Variants in TMEM184B observed in about 807,000 individuals in gnomAD.
The protein encoded by TMEM184B is putative MAPK-activating protein FM08.
A neutral mutation model predicts 41.8 loss-of-function variants in TMEM184B; 17 were observed. That is an observed-to-expected ratio of 0.41 (90% CI 0.28 to 0.61). The LOEUF is 0.61. Ranked by LOEUF, TMEM184B falls within the 20% of genes least tolerant of loss-of-function variation. TMEM184B has a pLI of 0.34. For missense variants in TMEM184B, 393 were observed against 557.8 expected (o/e 0.70, Z 2.98); for synonymous variants, 240 against 229.5 (o/e 1.05, Z -0.41).
At chr22:38,262,871 G>A (rs1168465940) in intron 1 of TMEM184B, among the ~76,000 whole-genome samples, 1 of 152,166 alleles carries the variant, frequency 6.6e-6, no homozygotes, top group East Asian at 1.9e-4. Context: ...CACTGGGCAG[G>A]AGGCAAGGTT....
intron 3 of TMEM184B, 131 bp downstream of exon 3, chr22:38,245,804 C>G (rs898569680): frequency 1.3e-5 from 13 of 966,706 alleles, no homozygotes; most frequent in Non-Finnish European, 1.7e-5. Flanking sequence ...GACAGAAACC[C>G]TGTAGTAGGT....
chr22:38,262,132 C>T (rs1288242948), intron 1 of TMEM184B, among the ~76,000 whole-genome samples: 3 of 152,228 alleles, frequency 2.0e-5, no homozygotes, highest in Admixed American at 6.5e-5. Flanking sequence ...GACAGTGCTG[C>T]GGGAAGGCAG....
chr22:38,264,441 A>G (rs990730322), intron 1 of TMEM184B, among the ~76,000 whole-genome samples: 1 of 152,186 alleles, frequency 6.6e-6, no homozygotes, highest in African/African-American at 2.4e-5. Flanking sequence ...AAGAGGGCCA[A>G]GTGCTTCCAG....
intron 3 of TMEM184B, among the ~76,000 whole-genome samples, chr22:38,245,212 G>A (rs1248685983): frequency 1.3e-5 from 2 of 152,202 alleles, no homozygotes; most frequent in Admixed American, 6.5e-5. Flanking sequence ...TGCACCTGGG[G>A]CCACCTGGGG....
chr22:38,221,090 A>G lies in TMEM184B; in HGVS notation c.*379T>C. ...GGGGGAGCCACGGCTTGCCGACCTCAGCCTGAGAGTCTCGCGGGGAGGAGG... is the reference window on the plus strand; with the variant it reads ...GGGGGAGCCACGGCTTGCCGACCTCGGCCTGAGAGTCTCGCGGGGAGGAGG... On this transcript the variant is annotated 3_prime_UTR_variant, in exon 9 of 9. Coordinates refer to ENST00000361906, the MANE Select transcript of TMEM184B (RefSeq NM_012264.5). The G allele has an allele frequency of 9.3e-7, 1 of 1,073,052 alleles. No individual in the cohort carries two copies. The allele number at this position is 1,073,052 out of a possible 1,614,324, so 66.5% of individuals were successfully genotyped here. A position where few individuals can be genotyped will look rare whatever the true frequency, so the allele number is the denominator to read the frequency against.
At chr22:38,272,570 C>G (rs1460791959) in intron 1 of TMEM184B, 14 of 985,682 alleles carry the variant, frequency 1.4e-5, no homozygotes, top group Non-Finnish European at 1.7e-5. Context: ...TTGGTCCATC[C>G]GCCTCCCTCT....
At chr22:38,229,412 T>C (rs1569020194) in intron 5 of TMEM184B, among the ~76,000 whole-genome samples, 1 of 152,196 alleles carries the variant, frequency 6.6e-6, no homozygotes, top group Non-Finnish European at 1.5e-5. Flanking sequence ...AGGAGTATCA[T>C]TACACTCATT....
chr22:38,220,448 C>T lies in TMEM184B; in HGVS notation c.*1021G>A, dbSNP rs377156335. 1 of 985,820 alleles carries T rather than the reference C, an allele frequency of 1.0e-6. No individual in the cohort carries two copies. The highest frequency in any genetic ancestry group is 1.2e-6 in the Non-Finnish European group (1 of 829,944). 61.1% of individuals were successfully genotyped at this position (985,820 alleles called of 1,614,324 possible). A position where few individuals can be genotyped will look rare whatever the true frequency, so the allele number is the denominator to read the frequency against. ...CCAGGCCCTGTGTGGATAGGGGCCC[C>T]GAGAGGAGTCTGGGACCATTCCCCC... is the stretch of plus-strand genomic sequence containing the variant. On this transcript the variant is annotated 3_prime_UTR_variant, in exon 9 of 9. Coordinates refer to ENST00000361906, the MANE Select transcript of TMEM184B (RefSeq NM_012264.5).
intron 1 of TMEM184B, among the ~76,000 whole-genome samples, chr22:38,253,135 C>T (rs2060628092): frequency 6.6e-6 from 1 of 152,096 alleles, no homozygotes; most frequent in South Asian, 2.1e-4. Context: ...GAGCCAGACG[C>T]AGTCTCAAAA....
chr22:38,221,045 C>T lies in TMEM184B; in HGVS notation c.*424G>A, dbSNP rs1238140690. The T allele has an allele frequency of 3.0e-5, 30 of 1,015,190 alleles. No individual in the cohort carries two copies. The highest frequency in any genetic ancestry group is 3.3e-5 in the Non-Finnish European group (28 of 849,068). The allele number at this position is 1,015,190 out of a possible 1,614,324, so 62.9% of individuals were successfully genotyped here. A position where few individuals can be genotyped will look rare whatever the true frequency, so the allele number is the denominator to read the frequency against. On this transcript the variant is annotated 3_prime_UTR_variant, in exon 9 of 9. Coordinates refer to ENST00000361906, the MANE Select transcript of TMEM184B (RefSeq NM_012264.5). The stretch of plus-strand genomic sequence containing the variant: ...GCAGGCGGGAAGAGCCCAGGTCAGA[C>T]AGGGTATTGCACGGTGTGTGGGGGA...
In TMEM184B at chr22:38,256,360, CCCA is replaced by C. The variant is rs558383208; in HGVS notation, c.-58-8344_-58-8342del. Among the ~76,000 whole-genome samples, 356 of 151,974 alleles carry C rather than the reference CCCA, an allele frequency of 2.3e-3. 2 individuals carry two copies. The highest frequency in any genetic ancestry group is 8.1e-3 in the African/African-American group (334 of 41,428). ...TCCCAAGTAGCTGGGATTACAGGCA[CCCA>C]CCACCATGCCTGCCTAATTTTTGTA... is the stretch of plus-strand genomic sequence containing the variant. On this transcript the variant is annotated intron_variant, in intron 1 of 8. Transcript: ENST00000361906.
rs1481042050 is a variant in TMEM184B at position 38,226,651 on chromosome 22, G to A, written c.617+128C>T. 4.3e-6 allele frequency: 4 copies of A among 921,740 alleles called. No homozygotes were observed. Among genetic ancestry groups the A allele is most frequent in the East Asian group, 5.5e-5 (2 of 36,418 alleles). The allele number at this position is 921,740 out of a possible 1,614,324, so 57.1% of individuals were successfully genotyped here. ...ACTGCTGGGCTCAGACTTCAGGGGG[G>A]TTGTGAGCACCAGACACCCAGGAAG... On this transcript the variant is annotated intron_variant, in intron 6 of 8. Coordinates refer to ENST00000361906, the MANE Select transcript of TMEM184B (RefSeq NM_012264.5). The surrounding 1 kb of genome is among the most constrained non-coding windows in gnomAD (Gnocchi z 4.6).
chr22:38,226,802 G>A lies in TMEM184B; in HGVS notation c.594C>T (p.Gly198=), dbSNP rs1420739923. ...AVSTVVLQAF[G]KYRDGDFDVT... ...ACTCAAAGTCCCCATCCCGGTACTT[G>A]CCGAAGGCCTGGAGGACCACAGTGC... Residue 198 remains glycine, a synonymous_variant, in exon 6 of 9, where the codon GGC becomes GGT. Transcript: ENST00000361906. This position sits in a 1 kb window ranked among gnomAD's most constrained non-coding sequence, Gnocchi z 4.6. The A allele has an allele frequency of 6.2e-7, 1 of 1,604,972 alleles. No homozygotes were observed. The highest frequency in any genetic ancestry group is 8.5e-7 in the Non-Finnish European group (1 of 1,175,888).
intron 1 of TMEM184B, among the ~76,000 whole-genome samples, chr22:38,250,420 T>C (rs144511078): frequency 1.2e-4 from 19 of 152,286 alleles, no homozygotes; most frequent in African/African-American, 4.6e-4. Flanking sequence ...GGAGAAGGCG[T>C]CTATATAAAG....
Position 38,225,577 on chromosome 22 carries a change from G to T in TMEM184B, c.634C>A (p.Leu212Ile). 6.2e-7 allele frequency: 1 copy of T among 1,605,634 alleles called. No individual in the cohort carries two copies. The highest frequency in any genetic ancestry group is 8.5e-7 in the Non-Finnish European group (1 of 1,176,774). Reference sequence around the variant, plus strand: ...ATGTTGTAGATGATGGTCACGTAGAGGTAGCCACTGGTGACGCTGCGGGAC... The same window carrying T: ...ATGTTGTAGATGATGGTCACGTAGATGTAGCCACTGGTGACGCTGCGGGAC... ...DGDFDVTSGY[L>I]YVTIIYNISV... The change falls in exon 7 of 9, where the codon CTC becomes ATC. Residue 212 changes from leucine (L) to isoleucine (I), a missense_variant. Around this residue, in one of 2 missense-constraint regions of TMEM184B, gnomAD observed 271 missense variants for 434.1 expected, o/e 0.62. Coordinates refer to ENST00000361906, the MANE Select transcript of TMEM184B (RefSeq NM_012264.5). The surrounding 1 kb of genome is among the most constrained non-coding windows in gnomAD (Gnocchi z 4.4).
At chr22:38,271,576 C>T (rs1276243787) in intron 1 of TMEM184B, among the ~76,000 whole-genome samples, 4 of 152,166 alleles carry the variant, frequency 2.6e-5, no homozygotes, top group Non-Finnish European at 5.9e-5. Context: ...CCTGCGGCCA[C>T]GATCCCCCTC....
At chr22:38,233,740 T>C (rs2091696308) in intron 3 of TMEM184B, among the ~76,000 whole-genome samples, 1 of 140,096 alleles carries the variant, frequency 7.1e-6, no homozygotes, top group African/African-American at 2.7e-5. Flanking sequence ...TATATCATGA[T>C]GGTTGTATTT....
Position 38,221,718 on chromosome 22 carries a change from G to A in TMEM184B, c.983-8C>T, listed in dbSNP as rs912569032. On this transcript the variant is annotated splice_polypyrimidine_tract_variant and splice_region_variant and intron_variant, in intron 8 of 8. Transcript: ENST00000361906. ...TCATGGGGGCACAGCGGCCTGCCGGGCAGGGAGCGGGAGGGGCAGGTGAGG... is the reference window on the plus strand; with the variant it reads ...TCATGGGGGCACAGCGGCCTGCCGGACAGGGAGCGGGAGGGGCAGGTGAGG... 6.2e-7 allele frequency: 1 copy of A among 1,613,020 alleles called. No individual in the cohort carries two copies.
chr22:38,241,273 G>A (rs1488821939), intron 3 of TMEM184B, among the ~76,000 whole-genome samples: 1 of 152,132 alleles, frequency 6.6e-6, no homozygotes, highest in Admixed American at 6.5e-5. Flanking sequence ...GGTTTGTTTT[G>A]TTTTGTTTTT....
Sources: gnomAD v4.1 joint callset for allele counts (sites outside exome capture counted in the v4.1 genomes callset) on GRCh38, gnomAD v4.1.1 for gene constraint, gnomAD v4.1.1 regional missense constraint, Gnocchi (gnomAD v3.1) non-coding constraint, MANE v1.5 for transcripts, NCBI Gene and HGNC (gene_info 2026-07-23, HGNC 2026-07-21) for gene names.